FBLN1: variants seen among roughly 807,000 people sequenced by gnomAD.
The protein encoded by FBLN1 is fibulin-1.
In FBLN1, 34 loss-of-function variants were observed where a neutral mutation model predicts 89.7. The observed-to-expected ratio is 0.38, with a 90% CI of 0.29 to 0.50. The LOEUF is 0.50. FBLN1 is among the 20% of genes least tolerant of loss of function. FBLN1 has a pLI of 0.92. For missense variants in FBLN1, 777 were observed against 988.1 expected (o/e 0.79, Z 2.86); for synonymous variants, 393 against 391.3 (o/e 1.00, Z -0.05).
rs557616460 is a variant in FBLN1 at position 45,562,546 on chromosome 22, G to C, written c.1697+11931G>C. On this transcript the variant is annotated intron_variant, in intron 14 of 16. Coordinates refer to ENST00000327858, the MANE Select transcript of FBLN1 (RefSeq NM_006486.3). The surrounding 1 kb of genome is among the most constrained non-coding windows in gnomAD (Gnocchi z 7.8). ...GGTCACCTCCGAGACACAACCAAGA[G>C]CCCTGCGTAGCCCTGGCCACTGTCT... 6.6e-6 allele frequency among the ~76,000 whole-genome samples: 1 copy of C among 152,322 alleles called. No homozygotes were observed. The highest frequency in any genetic ancestry group is 6.5e-5 in the Admixed American group (1 of 15,308).
In FBLN1 at chr22:45,580,040, C is replaced by T. The variant is rs185022949; in HGVS notation, c.1972+2932C>T. ...TCACCCCCGCATTCCCCAGTCCTCA[C>T]AGACACTGCCAGCGACGGGTCATGA... On this transcript the variant is annotated intron_variant, in intron 16 of 16. Coordinates refer to ENST00000327858, the MANE Select transcript of FBLN1 (RefSeq NM_006486.3). This position sits in a 1 kb window ranked among gnomAD's most constrained non-coding sequence, Gnocchi z 8.6. Among the ~76,000 whole-genome samples, 7 of 152,270 alleles carry T rather than the reference C, an allele frequency of 4.6e-5. No homozygotes were observed. Among genetic ancestry groups the T allele is most frequent in the Non-Finnish European group, 1.0e-4 (7 of 68,006 alleles).
chr22:45,550,643 G>A lies in FBLN1; in HGVS notation c.1697+28G>A, dbSNP rs781294418. ...AAGTCCCTTGGACCATGCCATCGTC[G>A]TCTGTCTGTGTTGGCCTTCCTGGTG... On this transcript the variant is annotated intron_variant, in intron 14 of 16. Transcript: ENST00000327858. The surrounding 1 kb of genome is among the most constrained non-coding windows in gnomAD (Gnocchi z 8.4). 58 of 1,613,890 alleles carry A rather than the reference G, an allele frequency of 3.6e-5. No homozygotes were observed. In the East Asian group the frequency reaches 7.1e-4, roughly 20 times the overall value.
At chr22:45,568,487 GC>G (rs2088918306) in intron 14 of FBLN1, among the ~76,000 whole-genome samples, 6 of 118,906 alleles carry the variant, frequency 5.0e-5, no homozygotes, top group African/African-American at 1.0e-4. Context: ...GTAGGGGAAT[GC>G]CTCTTCTGTA....
rs1185753221 is a variant in FBLN1, at chr22:45,533,124, C to T, written c.606C>T (p.Phe202=). The T allele has an allele frequency of 9.9e-6, 16 of 1,614,088 alleles. No individual in the cohort carries two copies. The highest frequency in any genetic ancestry group is 2.2e-5 in the South Asian group (2 of 91,088). Reference sequence around the variant, plus strand: ...GTGACGAGGTGGTCTGCTCCTGCTTCGTGGGCTACCAGCTGCTGTCTGATG... The same window carrying T: ...GTGACGAGGTGGTCTGCTCCTGCTTTGTGGGCTACCAGCTGCTGTCTGATG... ...DTGDEVVCSC[F]VGYQLLSDGV... is the part of the protein sequence containing the mutation. The change falls in exon 6 of 17, where the codon TTC becomes TTT. Residue 202 remains phenylalanine (F), a synonymous_variant. Coordinates refer to ENST00000327858, the MANE Select transcript of FBLN1 (RefSeq NM_006486.3).
chr22:45,558,931 A>G (rs1457578924), intron 14 of FBLN1, among the ~76,000 whole-genome samples: 1 of 152,244 alleles, frequency 6.6e-6, no homozygotes, highest in Admixed American at 6.5e-5. Context: ...CACTTACTGG[A>G]TCCAATCAGC....
chr22:45,568,614 A>G (rs1194866242), intron 14 of FBLN1, among the ~76,000 whole-genome samples: 13 of 105,758 alleles, frequency 1.2e-4, no homozygotes, highest in African/African-American at 5.4e-4. Flanking sequence ...CTGTAAGGGA[A>G]TGCTCCTCCT....
In FBLN1 at chr22:45,562,182, T is replaced by A. The variant is rs2088856654; in HGVS notation, c.1697+11567T>A. On this transcript the variant is annotated intron_variant, in intron 14 of 16. Coordinates refer to ENST00000327858, the MANE Select transcript of FBLN1 (RefSeq NM_006486.3). The surrounding 1 kb of genome is among the most constrained non-coding windows in gnomAD (Gnocchi z 7.8). ...CCATCCCTGTCTCCACCCAGGAAGTTAGGACCTGTCTCTGTTTCTATCACA... is the reference window on the plus strand; with the variant it reads ...CCATCCCTGTCTCCACCCAGGAAGTAAGGACCTGTCTCTGTTTCTATCACA... Among the ~76,000 whole-genome samples, 1 of 152,156 alleles carries A rather than the reference T, an allele frequency of 6.6e-6. No individual in the cohort carries two copies. The highest frequency in any genetic ancestry group is 2.4e-5 in the African/African-American group (1 of 41,438).
chr22:45,544,133 C>G (rs1168960952), intron 11 of FBLN1, among the ~76,000 whole-genome samples: 2 of 151,978 alleles, frequency 1.3e-5, no homozygotes, highest in Non-Finnish European at 2.9e-5. Flanking sequence ...GTCACCCAGG[C>G]TGGAGTGCAA....
At chr22:45,600,251 C>T (rs942695308) in intron 16 of FBLN1, 56 bp from the exon 17 acceptor site, 111 of 1,610,510 alleles carry the variant, frequency 6.9e-5, no homozygotes, top group Non-Finnish European at 9.2e-5. Context: ...TTTCCCAGAT[C>T]TCTACGTTGC....
chr22:45,519,113 G>T (rs183459834), intron 2 of FBLN1, among the ~76,000 whole-genome samples: 1 of 152,000 alleles, frequency 6.6e-6, no homozygotes, highest in East Asian at 1.9e-4. Flanking sequence ...TTGTGGGGGA[G>T]CAAAGGAGAT....
At chr22:45,525,725 G>A (rs375822132) in intron 3 of FBLN1, 47 bp downstream of exon 3, 23 of 1,550,334 alleles carry the variant, frequency 1.5e-5, no homozygotes, top group African/African-American at 9.6e-5. Flanking sequence ...CCCACTAGTC[G>A]GCAGACCCAG....
Position 45,527,970 on chromosome 22 carries a change from G to C in FBLN1, c.445G>C (p.Glu149Gln). The C allele has an allele frequency of 6.2e-7, 1 of 1,614,276 alleles. No individual in the cohort carries two copies. Among genetic ancestry groups the C allele is most frequent in the Middle Eastern group, 1.6e-4 (1 of 6,062 alleles). The change falls in exon 4 of 17, where the codon GAG becomes CAG. Residue 149 changes from glutamate (E) to glutamine (Q), a missense_variant. Physicochemically the swap from Glu to Gln is conservative, Grantham distance 29. Coordinates refer to ENST00000327858, the MANE Select transcript of FBLN1 (RefSeq NM_006486.3). ...VFQACCVKSQ[E>Q]TGDLDVGGLQ... ...CCAGGCATGCTGTGTCAAGAGCCAG[G>C]AGACCGGAGATTTGGATGTCGGGGG...
At position 45,577,722 on chromosome 22, in the gene FBLN1, C is replaced by T. The variant is rs550517364; in HGVS notation, c.1972+614C>T. ...CCCTGGAGATCCGGTGTTTGGGGAG[C>T]GTGAAGGGAGGCTGGGGCATGAGGG... On this transcript the variant is annotated intron_variant, in intron 16 of 16. Transcript: ENST00000327858. The surrounding 1 kb of genome is among the most constrained non-coding windows in gnomAD (Gnocchi z 6.6). Among the ~76,000 whole-genome samples the T allele has an allele frequency of 5.9e-5, 9 of 152,200 alleles. No homozygotes were observed. The highest frequency in any genetic ancestry group is 5.8e-4 in the East Asian group (3 of 5,172).
intron 16 of FBLN1, among the ~76,000 whole-genome samples, chr22:45,587,222 T>C (rs2146658500): frequency 6.6e-6 from 1 of 152,182 alleles, no homozygotes; most frequent in Non-Finnish European, 1.5e-5. Flanking sequence ...GTGACTGCAG[T>C]GTCTGTGTTC....
At chr22:45,564,422 T>C (rs984219446) in intron 14 of FBLN1, among the ~76,000 whole-genome samples, 9 of 152,246 alleles carry the variant, frequency 5.9e-5, no homozygotes, top group African/African-American at 2.2e-4. Flanking sequence ...TTGCATGCAA[T>C]TTCCAGCCTG....
intron 2 of FBLN1, among the ~76,000 whole-genome samples, chr22:45,524,718 C>T (rs1229340084): frequency 2.0e-5 from 3 of 152,182 alleles, no homozygotes; most frequent in Non-Finnish European, 2.9e-5. Context: ...AGGAGTGACG[C>T]GGCCACTCTG....
rs1050265945 is a variant in FBLN1 at position 45,578,684 on chromosome 22, G to A, written c.1972+1576G>A. ...GTATGCACCCTGACACTGGCCCACA[G>A]CCGCCCCCCGCCCCAAAGGGGCCAG... On this transcript the variant is annotated intron_variant, in intron 16 of 16. Coordinates refer to ENST00000327858, the MANE Select transcript of FBLN1 (RefSeq NM_006486.3). This position sits in a 1 kb window ranked among gnomAD's most constrained non-coding sequence, Gnocchi z 4.6. Among the ~76,000 whole-genome samples the A allele has an allele frequency of 6.6e-5, 10 of 152,236 alleles. No individual in the cohort carries two copies. The highest frequency in any genetic ancestry group is 1.5e-4 in the Non-Finnish European group (10 of 68,030).
chr22:45,539,965 G>A (rs1488456510), intron 8 of FBLN1, among the ~76,000 whole-genome samples: 2 of 152,160 alleles, frequency 1.3e-5, no homozygotes, highest in African/African-American at 2.4e-5. Flanking sequence ...TTCTCTAAAG[G>A]GCTAGATGGT....
At chr22:45,570,319 C>CAAAAAAAAAAAAAAAAAAAAAAAAAAAAA (rs761469854) in intron 14 of FBLN1, among the ~76,000 whole-genome samples, 1 of 36,444 alleles carries the variant, frequency 2.7e-5, no homozygotes, top group Admixed American at 3.6e-4. Context: ...GACTCTGTCT[C>CAAAAAAAAAAAAAAAAAAAAAAAAAAAAA]AAAAAAAAAA....
Sources: allele counts gnomAD v4.1 joint callset (sites outside exome capture counted in the v4.1 genomes callset), GRCh38; gene constraint gnomAD v4.1.1; non-coding constraint Gnocchi (gnomAD v3.1); transcripts MANE v1.5; gene names NCBI Gene and HGNC (gene_info 2026-07-23, HGNC 2026-07-21).